IBTK: variants seen among roughly 807,000 people sequenced by gnomAD.
IBTK encodes BTK-binding protein.
In IBTK, 83 loss-of-function variants were observed where a neutral mutation model predicts 154.9. That is an observed-to-expected ratio of 0.54 (90% CI 0.45 to 0.64). The LOEUF is 0.64. Among genes scored for constraint, IBTK ranks in the 30% least tolerant of loss-of-function variants. The pLI, the probability that IBTK is intolerant of heterozygous loss-of-function variation, is 0.00. For synonymous variants in IBTK, 515 were observed against 536.1 expected (o/e 0.96, Z 0.54); for missense variants, 1,332 against 1,584.6 (o/e 0.84, Z 2.71).
intron 2 of IBTK, 43 bp downstream of exon 2, chr6:82,240,123 T>C (rs1255941578): frequency 6.7e-7 from 1 of 1,500,578 alleles, no homozygotes; most frequent in African/African-American, 1.4e-5. Context: ...AAGAAAAACA[T>C]ATTCCAGACT....
intron 26 of IBTK, among the ~76,000 whole-genome samples, chr6:82,180,958 C>T (rs1339166080): frequency 6.6e-6 from 1 of 152,176 alleles, no homozygotes; most frequent in Non-Finnish European, 1.5e-5. Context: ...CACTCTGTCA[C>T]CCATGCTGGA....
At chr6:82,238,931 G>A (rs192272304) in intron 2 of IBTK, among the ~76,000 whole-genome samples, 16 of 151,448 alleles carry the variant, frequency 1.1e-4, no homozygotes, top group South Asian at 2.1e-4. Flanking sequence ...TAGAGATGGC[G>A]TTTTACTATG....
chr6:82,191,351 CTATT>C (rs201987966), intron 24 of IBTK, 135 bp from the exon 25 acceptor site: 14,449 of 703,288 alleles, frequency 0.021, 176 homozygotes, highest in Middle Eastern at 0.027. Context: ...ATAATGTTTT[CTATT>C]TATTTCATGT....
At chr6:82,234,312 T>A (rs764831615) in intron 2 of IBTK, 57 bp from the exon 3 acceptor site, 3 of 589,358 alleles carry the variant, frequency 5.1e-6, no homozygotes, top group African/African-American at 3.9e-5. Flanking sequence ...ATTACCTATA[T>A]CATCAGTAAC....
chr6:82,174,469 A>T lies in IBTK; in HGVS notation c.3726-1031T>A, dbSNP rs552933550. On this transcript the variant is annotated intron_variant, in intron 26 of 28. Coordinates refer to ENST00000306270, the MANE Select transcript of IBTK (RefSeq NM_015525.4). ...TAAAGCTGAGGAGACGTACAATTAG[A>T]AAGAATTTTGGTTGTACAAATACAT... is the stretch of plus-strand genomic sequence containing the variant. Among the ~76,000 whole-genome samples the T allele has an allele frequency of 2.0e-3, 306 of 152,296 alleles. 1 individual carries two copies. The highest frequency in any genetic ancestry group is 7.2e-3 in the African/African-American group (300 of 41,584).
At chr6:82,218,505 T>C (rs2127817744) in intron 9 of IBTK, among the ~76,000 whole-genome samples, 1 of 152,278 alleles carries the variant, frequency 6.6e-6, no homozygotes, top group African/African-American at 2.4e-5. Context: ...TACTATCTCT[T>C]TACAAGAAGA....
chr6:82,183,657 T>A (rs1206225831), intron 25 of IBTK, among the ~76,000 whole-genome samples: 1 of 152,190 alleles, frequency 6.6e-6, no homozygotes. Flanking sequence ...TATCCCAGAT[T>A]AGCCAAAGCA....
At chr6:82,231,634 T>C (rs1033876291) in intron 4 of IBTK, 84 bp downstream of exon 4, 7 of 1,015,458 alleles carry the variant, frequency 6.9e-6, no homozygotes, top group African/African-American at 4.8e-5. Flanking sequence ...AACAAAGTTA[T>C]GTAATCCACA....
At chr6:82,184,264 G>C (rs1250832161) in intron 25 of IBTK, among the ~76,000 whole-genome samples, 1 of 152,054 alleles carries the variant, frequency 6.6e-6, no homozygotes, top group East Asian at 1.9e-4. Flanking sequence ...TTAGACATTT[G>C]TACCTGCATA....
rs148640585 is a variant in IBTK at position 82,208,799 on chromosome 6, A to G, written c.2509+2015T>C. Among the ~76,000 whole-genome samples, 45 of 152,330 alleles carry G rather than the reference A, an allele frequency of 3.0e-4. No individual in the cohort carries two copies. In the East Asian group the frequency reaches 8.7e-3, roughly 29 times the overall value. ...AAACGACACTTCATCAAGGAAGTGAAAACAACTCAGAGAAGGAGAGAAAAT... is the reference window on the plus strand; with the variant it reads ...AAACGACACTTCATCAAGGAAGTGAGAACAACTCAGAGAAGGAGAGAAAAT... On this transcript the variant is annotated intron_variant, in intron 16 of 28. Coordinates refer to ENST00000306270, the MANE Select transcript of IBTK (RefSeq NM_015525.4).
Position 82,240,326 on chromosome 6 carries a change from T to C in IBTK, c.161A>G (p.Asn54Ser). 1 of 1,614,218 alleles carries C rather than the reference T, an allele frequency of 6.2e-7. No homozygotes were observed. The highest frequency in any genetic ancestry group is 8.5e-7 in the Non-Finnish European group (1 of 1,180,036). Residue 54 changes from asparagine to serine, a missense_variant, in exon 2 of 29, where the codon AAT (asparagine) becomes AGT (serine). Around this residue, in one of 3 missense-constraint regions of IBTK, gnomAD observed 84 missense variants for 96.2 expected, o/e 0.87. Coordinates refer to ENST00000306270, the MANE Select transcript of IBTK (RefSeq NM_015525.4). ...ACAGGAGGAAACAAGGTGGAGGGCA[T>C]TCCTGCCAAAAACATCCTTGATAGT... Reference protein sequence around the residue: ...AATIKDVFGRNALHLVSSCGK... With the variant: ...AATIKDVFGRSALHLVSSCGK...
At chr6:82,172,736 T>G (rs1767970459) in intron 27 of IBTK, 2 of 455,506 alleles carry the variant, frequency 4.4e-6, no homozygotes, top group Non-Finnish European at 7.7e-6. Flanking sequence ...CTACAATTTT[T>G]TCCAGTGACC....
intron 1 of IBTK, 139 bp from the exon 2 acceptor site, chr6:82,240,982 C>G: frequency 2.5e-6 from 1 of 395,072 alleles, no homozygotes; most frequent in Non-Finnish European, 4.5e-6. Flanking sequence ...GAACACTAAG[C>G]TTACGGGAGT....
In IBTK at chr6:82,233,922, C is replaced by T. The variant is rs180848983; in HGVS notation, c.418+237G>A. On this transcript the variant is annotated intron_variant, in intron 3 of 28. Coordinates refer to ENST00000306270, the MANE Select transcript of IBTK (RefSeq NM_015525.4). ...CTAACTTTTGTATTTTTAGTAGAGA[C>T]GGGGTTGTACCATGTTGGTCAGGCT... 3.2e-3 allele frequency among the ~76,000 whole-genome samples: 488 copies of T among 152,092 alleles called. 1 individual carries two copies. Among genetic ancestry groups the T allele is most frequent in the Non-Finnish European group, 5.0e-3 (339 of 67,998 alleles).
intron 15 of IBTK, 77 bp downstream of exon 15, chr6:82,211,290 A>G: frequency 8.7e-7 from 1 of 1,151,576 alleles, no homozygotes; most frequent in Non-Finnish European, 1.2e-6. Flanking sequence ...CTGATTTTGA[A>G]TTTCTTTACT....
chr6:82,235,150 T>C (rs1390610396), intron 2 of IBTK, among the ~76,000 whole-genome samples: 1 of 152,008 alleles, frequency 6.6e-6, no homozygotes, highest in Non-Finnish European at 1.5e-5. Flanking sequence ...TGAGCCACCG[T>C]TCCCGGCCAT....
chr6:82,237,791 TA>T (rs1453285386), intron 2 of IBTK, among the ~76,000 whole-genome samples: 1 of 151,878 alleles, frequency 6.6e-6, no homozygotes, highest in Non-Finnish European at 1.5e-5. Context: ...TAAATGTTAC[TA>T]CATAAAAGCC....
intron 20 of IBTK, 22 bp downstream of exon 20, chr6:82,200,565 A>C: frequency 6.6e-7 from 1 of 1,505,188 alleles, no homozygotes; most frequent in South Asian, 1.3e-5. Flanking sequence ...GGAAAAGAAA[A>C]AAAAAAAAGA....
At chr6:82,192,968 C>T (rs1361429387) in intron 23 of IBTK, among the ~76,000 whole-genome samples, 2 of 147,310 alleles carry the variant, frequency 1.4e-5, no homozygotes, top group African/African-American at 5.0e-5. Context: ...CATGGTGGCA[C>T]GCGCCTGTAG....
Sources: gnomAD v4.1 joint callset for allele counts (sites outside exome capture counted in the v4.1 genomes callset) on GRCh38, gnomAD v4.1.1 for gene constraint, gnomAD v4.1.1 regional missense constraint, MANE v1.5 for transcripts, NCBI Gene and HGNC (gene_info 2026-07-23, HGNC 2026-07-21) for gene names.